The following RABGAP1L variants were observed in gnomAD, a reference collection of about 807,000 sequenced individuals.
RABGAP1L encodes rab GTPase-activating protein 1-like.
RABGAP1L carries 63 observed loss-of-function variants against 137.7 expected under a neutral mutation model. The observed-to-expected ratio is 0.46, with a 90% CI of 0.37 to 0.56. The LOEUF (loss-of-function observed/expected upper bound fraction) is 0.56, where lower values mean the gene tolerates loss of function less well. RABGAP1L is among the 20% of genes least tolerant of loss of function. The probability of loss-of-function intolerance (pLI) is 0.00; values close to 1 mark genes in which losing one functional copy is unlikely to be tolerated. For missense variants in RABGAP1L, 1,095 were observed against 1,244.0 expected, an observed-to-expected ratio of 0.88 and a Z score of 1.80; for synonymous variants, 431 against 433.7, an observed-to-expected ratio of 0.99 and a Z score of 0.08.
rs332788 is a variant in RABGAP1L, at chr1:174,735,603, A to T, written c.2170-16710A>T. Reference sequence around the variant, plus strand: ...CTCCGGCCTGGGCAACAAGAGCAAAACTCCATCTCAAAAAAAAAAAAAAAA... The same window carrying T: ...CTCCGGCCTGGGCAACAAGAGCAAATCTCCATCTCAAAAAAAAAAAAAAAA... On this transcript the variant is annotated intron_variant, in intron 17 of 25. Transcript: ENST00000681986. Among the ~76,000 whole-genome samples the T allele has an allele frequency of 2.5e-3, 295 of 118,812 alleles. 2 individuals carry two copies. The highest frequency in any genetic ancestry group is 0.01 in the African/African-American group (281 of 26,972). The allele number at this position is 118,812 out of a possible 152,430, so 77.9% of individuals were successfully genotyped here. A position where few individuals can be genotyped will look rare whatever the true frequency, so the allele number is the denominator to read the frequency against.
chr1:174,713,819 T>C (rs1057304876), intron 17 of RABGAP1L, among the ~76,000 whole-genome samples: 1 of 152,256 alleles, frequency 6.6e-6, no homozygotes, highest in Non-Finnish European at 1.5e-5. Context: ...AAATAGGTCT[T>C]GAACCTTTAT....
chr1:174,310,243 A>G, intron 11 of RABGAP1L, among the ~76,000 whole-genome samples: 1 of 151,998 alleles, frequency 6.6e-6, no homozygotes, highest in East Asian at 1.9e-4. Flanking sequence ...TTTAATTTCC[A>G]TGTATTTGTG....
chr1:174,784,173 T>C (rs1354262923), intron 18 of RABGAP1L, among the ~76,000 whole-genome samples: 2 of 151,340 alleles, frequency 1.3e-5, no homozygotes, highest in Non-Finnish European at 1.5e-5. Flanking sequence ...GCACCCGCCA[T>C]CACGCCCGGC....
At chr1:174,794,520 G>T (rs967641973) in intron 18 of RABGAP1L, among the ~76,000 whole-genome samples, 3 of 152,196 alleles carry the variant, frequency 2.0e-5, no homozygotes, top group Non-Finnish European at 2.9e-5. Context: ...AGCTTTGCCA[G>T]CTAGGTGATG....
chr1:174,909,847 G>C lies in RABGAP1L; in HGVS notation c.2341-47610G>C, dbSNP rs566114571. Among the ~76,000 whole-genome samples the C allele has an allele frequency of 1.6e-4, 24 of 152,196 alleles. 1 individual carries two copies. The highest frequency in any genetic ancestry group is 8.5e-4 in the Admixed American group (13 of 15,278). ...GAAAACTTCAACAAACCAATAACAA[G>C]TAGTGAGATCAGCCGGGTGTGGTGG... On this transcript the variant is annotated intron_variant, in intron 19 of 25. Coordinates refer to ENST00000681986, the MANE Select transcript of RABGAP1L (RefSeq NM_001366446.1).
intron 13 of RABGAP1L, among the ~76,000 whole-genome samples, chr1:174,500,643 G>A (rs1199105948): frequency 3.3e-5 from 5 of 152,098 alleles, no homozygotes; most frequent in Non-Finnish European, 5.9e-5. Flanking sequence ...GAAAACAAAG[G>A]GATAGGAACC....
Position 174,278,612 on chromosome 1 carries a change from G to C in RABGAP1L, c.1157-1G>C. 1 of 1,602,928 alleles carries C rather than the reference G, an allele frequency of 6.2e-7. No homozygotes were observed. The highest frequency in any genetic ancestry group is 8.5e-7 in the Non-Finnish European group (1 of 1,176,636). ...TAAAACCCAGAAAATTTCTACTACA[G>C]ATAAGCAAGTATACATGACTGTGGC... On this transcript the variant is annotated splice_acceptor_variant, in intron 9 of 25. Transcript: ENST00000681986. LOFTEE classifies it high-confidence loss of function.
chr1:174,986,359 T>A (rs1033437349), intron 24 of RABGAP1L, among the ~76,000 whole-genome samples: 7 of 152,198 alleles, frequency 4.6e-5, no homozygotes, highest in African/African-American at 1.4e-4. Flanking sequence ...CTGGGTGAGC[T>A]CTTTCTAAGC....
chr1:174,649,142 G>A (rs562329410), intron 14 of RABGAP1L, among the ~76,000 whole-genome samples: 1 of 152,210 alleles, frequency 6.6e-6, no homozygotes, highest in African/African-American at 2.4e-5. Context: ...GATAGGTCTT[G>A]ACTCTTTATC....
At chr1:174,569,552 C>T (rs1163598538) in intron 13 of RABGAP1L, among the ~76,000 whole-genome samples, 1 of 152,176 alleles carries the variant, frequency 6.6e-6, no homozygotes, top group East Asian at 1.9e-4. Flanking sequence ...TACTTTTTCA[C>T]CTGACACGAA....
At chr1:174,876,021 G>T (rs1258725389) in intron 19 of RABGAP1L, among the ~76,000 whole-genome samples, 1 of 152,022 alleles carries the variant, frequency 6.6e-6, no homozygotes. Flanking sequence ...CCTTCCTTGT[G>T]CTCGCTCTTA....
At chr1:174,774,908 A>G (rs1686408437) in intron 18 of RABGAP1L, among the ~76,000 whole-genome samples, 1 of 152,138 alleles carries the variant, frequency 6.6e-6, no homozygotes, top group African/African-American at 2.4e-5. Flanking sequence ...AAAAAGTATA[A>G]TGGCTTGAAA....
At chr1:174,384,100 A>G (rs189176850) in intron 12 of RABGAP1L, among the ~76,000 whole-genome samples, 2 of 152,246 alleles carry the variant, frequency 1.3e-5, no homozygotes, top group Non-Finnish European at 2.9e-5. Context: ...TGAGCAATTA[A>G]AAGAATGAAC....
At chr1:174,327,362 T>C (rs1415457127) in intron 11 of RABGAP1L, among the ~76,000 whole-genome samples, 1 of 152,098 alleles carries the variant, frequency 6.6e-6, no homozygotes, top group African/African-American at 2.4e-5. Context: ...ATGTAAATTA[T>C]GATATCAAAA....
chr1:174,628,990 T>A (rs1673122577), intron 13 of RABGAP1L, among the ~76,000 whole-genome samples: 1 of 152,204 alleles, frequency 6.6e-6, no homozygotes, highest in African/African-American at 2.4e-5. Flanking sequence ...ATTGAGCCTC[T>A]TTTTGTCCTT....
intron 19 of RABGAP1L, among the ~76,000 whole-genome samples, chr1:174,886,809 A>AT (rs1655226166): frequency 3.2e-5 from 4 of 126,838 alleles, no homozygotes; most frequent in African/African-American, 1.5e-4. Context: ...CCACCATTTA[A>AT]TTCTTTTTTT....
intron 13 of RABGAP1L, among the ~76,000 whole-genome samples, chr1:174,615,810 C>T (rs532273253): frequency 5.9e-5 from 9 of 152,330 alleles, no homozygotes; most frequent in East Asian, 3.9e-4. Context: ...GCCTCGCTGC[C>T]GCCTTGCAGT....
chr1:174,808,318 G>C (rs2148847523), intron 18 of RABGAP1L, among the ~76,000 whole-genome samples: 1 of 152,114 alleles, frequency 6.6e-6, no homozygotes, highest in Non-Finnish European at 1.5e-5. Context: ...AGCTGGCATG[G>C]TGGCACACGC....
chr1:174,587,540 AAG>A (rs886239811), intron 13 of RABGAP1L, among the ~76,000 whole-genome samples: 3 of 152,030 alleles, frequency 2.0e-5, no homozygotes, highest in Non-Finnish European at 2.9e-5. Flanking sequence ...CAGTTAATCA[AAG>A]AGAGAGCAAG....
Sources: allele counts gnomAD v4.1 joint callset (sites outside exome capture counted in the v4.1 genomes callset), GRCh38; gene constraint gnomAD v4.1.1; transcripts MANE v1.5; gene names NCBI Gene and HGNC (gene_info 2026-07-23, HGNC 2026-07-21).